Variants in MARCHF1 observed in about 807,000 individuals in gnomAD.
MARCHF1 encodes E3 ubiquitin-protein ligase MARCHF1.
MARCHF1 carries 40 observed loss-of-function variants against 54.2 expected under a neutral mutation model. The ratio of observed to expected loss-of-function variants is 0.74; its 90% confidence interval spans 0.57 to 0.96. The LOEUF (loss-of-function observed/expected upper bound fraction) is 0.96, where lower values mean the gene tolerates loss of function less well. Ranked by LOEUF, MARCHF1 falls within the 40% of genes least tolerant of loss-of-function variation. The pLI, the probability that MARCHF1 is intolerant of heterozygous loss-of-function variation, is 0.00. For missense variants in MARCHF1, 586 were observed against 656.5 expected (o/e 0.89, Z 1.17); for synonymous variants, 236 against 236.3 (o/e 1.00, Z 0.01).
intron 1 of MARCHF1, among the ~76,000 whole-genome samples, chr4:164,128,040 A>G (rs1714694873): frequency 6.6e-6 from 1 of 152,234 alleles, no homozygotes; most frequent in African/African-American, 2.4e-5. Context: ...TAGACTCATC[A>G]ATATAATTCT....
At chr4:164,362,885 T>C (rs182456495) in intron 1 of MARCHF1, among the ~76,000 whole-genome samples, 1 of 152,218 alleles carries the variant, frequency 6.6e-6, no homozygotes, top group African/African-American at 2.4e-5. Flanking sequence ...TGTCTTTCAA[T>C]TGTTTTTCTG....
chr4:164,286,036 T>C (rs987997685), intron 1 of MARCHF1, among the ~76,000 whole-genome samples: 14 of 151,738 alleles, frequency 9.2e-5, no homozygotes, highest in African/African-American at 2.7e-4. Context: ...AACAGAAAAA[T>C]CAAGATTTCC....
At chr4:164,183,334 T>C (rs1054723438) in intron 1 of MARCHF1, among the ~76,000 whole-genome samples, 1 of 152,312 alleles carries the variant, frequency 6.6e-6, no homozygotes, top group South Asian at 2.1e-4. Flanking sequence ...TTGAGAATTA[T>C]CTGTTCAAAT....
intron 4 of MARCHF1, among the ~76,000 whole-genome samples, chr4:163,779,877 T>A (rs1747414624): frequency 6.6e-6 from 1 of 152,090 alleles, no homozygotes. Context: ...AAACCTCTGA[T>A]TGAGAGGCAA....
At position 164,261,773 on chromosome 4, in the gene MARCHF1, C is replaced by A. The variant is rs578103054; in HGVS notation, c.-323+122097G>T. The stretch of plus-strand genomic sequence containing the variant: ...CTTTACACACTGTATTTTATTTTTT[C>A]ATGGTTCCTATAACAACCTAATATA... On this transcript the variant is annotated intron_variant, in intron 1 of 9. Transcript: ENST00000514618. 1.4e-4 allele frequency among the ~76,000 whole-genome samples: 22 copies of A among 152,206 alleles called. 1 individual carries two copies. The South Asian group carries it at 3.5e-3, about 24-fold the overall frequency.
intron 2 of MARCHF1, among the ~76,000 whole-genome samples, chr4:164,049,535 T>G (rs989774671): frequency 6.6e-6 from 1 of 152,224 alleles, no homozygotes; most frequent in African/African-American, 2.4e-5. Context: ...AAACTGTTCA[T>G]GGCTGATACA....
At chr4:163,961,488 A>G (rs1460767575) in intron 3 of MARCHF1, among the ~76,000 whole-genome samples, 2 of 151,928 alleles carry the variant, frequency 1.3e-5, no homozygotes, top group Non-Finnish European at 2.9e-5. Context: ...ACTTAAGTGG[A>G]AGCAAAAAAT....
At chr4:163,558,462 C>T (rs192651765) in intron 8 of MARCHF1, among the ~76,000 whole-genome samples, 112 of 152,270 alleles carry the variant, frequency 7.4e-4, no homozygotes, top group African/African-American at 2.6e-3. Context: ...GGTTCTCTGG[C>T]TTCAGGATGG....
chr4:163,954,421 A>G (rs1286915117), intron 3 of MARCHF1, among the ~76,000 whole-genome samples: 1 of 152,158 alleles, frequency 6.6e-6, no homozygotes, highest in Non-Finnish European at 1.5e-5. Context: ...AGTGAAATAT[A>G]ATGAGGTGAC....
At chr4:163,746,115 T>C (rs1347422179) in intron 4 of MARCHF1, among the ~76,000 whole-genome samples, 4 of 152,214 alleles carry the variant, frequency 2.6e-5, no homozygotes, top group South Asian at 4.1e-4. Flanking sequence ...CTTTACAGTA[T>C]AATACACAGC....
chr4:163,994,301 T>TGTGTGA (rs1453877577), intron 2 of MARCHF1, among the ~76,000 whole-genome samples: 6 of 143,518 alleles, frequency 4.2e-5, no homozygotes, highest in African/African-American at 1.3e-4. Context: ...TGTGTGTGTG[T>TGTGTGA]GAGTGTGGTG....
At chr4:163,900,588 A>T (rs1156312736) in intron 3 of MARCHF1, among the ~76,000 whole-genome samples, 1 of 152,178 alleles carries the variant, frequency 6.6e-6, no homozygotes, top group African/African-American at 2.4e-5. Flanking sequence ...TAAACCTAAT[A>T]TGTAAACATT....
At chr4:164,194,697 G>A (rs773963214) in intron 1 of MARCHF1, among the ~76,000 whole-genome samples, 1 of 151,386 alleles carries the variant, frequency 6.6e-6, no homozygotes, top group Non-Finnish European at 1.5e-5. Flanking sequence ...AGAAAAGCAT[G>A]GTTTTAACTA....
At chr4:163,857,897 T>C (rs1283455348) in intron 3 of MARCHF1, among the ~76,000 whole-genome samples, 1 of 151,072 alleles carries the variant, frequency 6.6e-6, no homozygotes, top group African/African-American at 2.5e-5. Context: ...TAAGACAGTG[T>C]GATAGGAGCT....
intron 1 of MARCHF1, among the ~76,000 whole-genome samples, chr4:164,326,962 T>TGTGTGC (rs1022143497): frequency 4.5e-5 from 6 of 134,624 alleles, no homozygotes; most frequent in Admixed American, 1.4e-4. Context: ...AAGGATTGTG[T>TGTGTGC]GTGTGTGTGT....
At chr4:164,312,469 C>G (rs909932054) in intron 1 of MARCHF1, among the ~76,000 whole-genome samples, 7 of 151,376 alleles carry the variant, frequency 4.6e-5, no homozygotes, top group Admixed American at 6.6e-5. Flanking sequence ...ACTACAGGCG[C>G]CCGCCACTAC....
intron 5 of MARCHF1, among the ~76,000 whole-genome samples, chr4:163,620,602 CACACAGAGAGAGAG>C (rs70948658): frequency 0.059 from 5,754 of 97,374 alleles, 164 homozygotes; most frequent in Non-Finnish European, 0.075. Flanking sequence ...CACACACACA[CACACAGAGAGAGAG>C]AGAGAGAGAG....
chr4:163,812,252 T>C (rs1446813792), intron 4 of MARCHF1, among the ~76,000 whole-genome samples: 1 of 150,868 alleles, frequency 6.6e-6, no homozygotes, highest in East Asian at 1.9e-4. Context: ...CTCTATATAA[T>C]ATATAGTTAT....
At chr4:164,209,048 TTG>T (rs1342624138) in intron 1 of MARCHF1, among the ~76,000 whole-genome samples, 3 of 150,608 alleles carry the variant, frequency 2.0e-5, no homozygotes, top group Admixed American at 1.3e-4. Flanking sequence ...TATAAAATGT[TTG>T]TGTGTGTGTA....
Sources: allele counts gnomAD v4.1 joint callset (sites outside exome capture counted in the v4.1 genomes callset), GRCh38; gene constraint gnomAD v4.1.1; transcripts MANE v1.5; gene names NCBI Gene and HGNC (gene_info 2026-07-23, HGNC 2026-07-21).